SASH1: variants seen among roughly 807,000 people sequenced by gnomAD.
SASH1 encodes SAM and SH3 domain containing 1, also known as SAM and SH3 domain-containing protein 1.
In SASH1, 44 loss-of-function variants were observed where a neutral mutation model predicts 125.2. That is an observed-to-expected ratio of 0.35 (90% confidence interval 0.28 to 0.45). The LOEUF (loss-of-function observed/expected upper bound fraction) is 0.45, where lower values mean the gene tolerates loss of function less well. SASH1 is among the 20% of genes least tolerant of loss of function. The pLI is 1.00. For missense variants in SASH1, 1,426 were observed against 1,614.5 expected (o/e 0.88, Z 2.00); for synonymous variants, 639 against 649.1 (o/e 0.98, Z 0.24).
At chr6:148,273,569 C>T (rs1779114933) in intron 1 of SASH1, among the ~76,000 whole-genome samples, 1 of 151,446 alleles carries the variant, frequency 6.6e-6, no homozygotes, top group Admixed American at 6.6e-5. Flanking sequence ...GCTGGGATTA[C>T]AGGCATGAGC....
At chr6:148,405,731 C>T (rs571305836) in intron 2 of SASH1, among the ~76,000 whole-genome samples, 5 of 152,322 alleles carry the variant, frequency 3.3e-5, no homozygotes, top group East Asian at 1.9e-4. Context: ...CTCTTTCCCT[C>T]TGTGGAGTGG....
At chr6:148,372,511 A>G (rs566128519) in intron 1 of SASH1, among the ~76,000 whole-genome samples, 1 of 152,306 alleles carries the variant, frequency 6.6e-6, no homozygotes, top group East Asian at 1.9e-4. Context: ...TAATGAAGTC[A>G]TGGATGTTTT....
rs538165456 is a variant in SASH1, at chr6:148,544,027, G to A, written c.2557G>A (p.Val853Met). 2.0e-5 allele frequency: 32 copies of A among 1,614,078 alleles called. No individual in the cohort carries two copies. The East Asian group carries it at 2.9e-4, about 15-fold the overall frequency. Reference protein sequence around the residue: ...LQVEPGAEQDVPTEVTEPPPQ... With the variant: ...LQVEPGAEQDMPTEVTEPPPQ... ...AGTGGAGCCTGGTGCTGAGCAAGAC[G>A]TGCCTACCGAGGTGACAGAACCGCC... Residue 853 changes from valine to methionine, a missense_variant, in exon 18 of 20, where the codon GTG (valine) becomes ATG (methionine). Coordinates refer to ENST00000367467, the MANE Select transcript of SASH1 (RefSeq NM_015278.5). This position sits in a 1 kb window ranked among gnomAD's most constrained non-coding sequence, Gnocchi z 6.4.
chr6:148,417,948 G>A (rs1449579118), intron 2 of SASH1, among the ~76,000 whole-genome samples: 2 of 152,150 alleles, frequency 1.3e-5, no homozygotes, highest in African/African-American at 4.8e-5. Flanking sequence ...CGCTACAGAA[G>A]CACCTGAAGC....
chr6:148,334,372 G>T (rs909033438), intron 1 of SASH1, among the ~76,000 whole-genome samples: 2 of 141,350 alleles, frequency 1.4e-5, no homozygotes, highest in Admixed American at 7.3e-5. Context: ...AGCTTGCAGT[G>T]AGCCGAGATT....
At chr6:148,444,673 A>G (rs546829539) in intron 4 of SASH1, among the ~76,000 whole-genome samples, 1 of 152,252 alleles carries the variant, frequency 6.6e-6, no homozygotes, top group African/African-American at 2.4e-5. Flanking sequence ...CTTTATATCT[A>G]TCTACATCGC....
chr6:148,455,817 G>A (rs1368131315), intron 4 of SASH1, among the ~76,000 whole-genome samples: 1 of 152,210 alleles, frequency 6.6e-6, no homozygotes, highest in African/African-American at 2.4e-5. Context: ...AGTAGGGCAG[G>A]TGGGCGGCTC....
At chr6:148,438,746 ACC>A (rs150832561) in intron 2 of SASH1, among the ~76,000 whole-genome samples, 7 of 108,960 alleles carry the variant, frequency 6.4e-5, no homozygotes, top group African/African-American at 2.2e-4. Context: ...AAAAAAAAAA[ACC>A]AAAACAAACA....
At chr6:148,269,209 T>C (rs1158945868), upstream of SASH1, among the ~76,000 whole-genome samples, 1 of 152,242 alleles carries the variant, frequency 6.6e-6, no homozygotes, top group East Asian at 1.9e-4. Context: ...ATGGAGGAGC[T>C]AGTGCACATG....
At chr6:148,232,105 G>T in the SASH1 span, among the ~76,000 whole-genome samples, 2 of 152,194 alleles carry the variant, frequency 1.3e-5, no homozygotes, top group South Asian at 4.1e-4. Flanking sequence ...GTATGATCTG[G>T]ACAAGAGTTG....
chr6:148,537,556 CAAACAT>C (rs1036989226), intron 16 of SASH1, among the ~76,000 whole-genome samples: 16 of 150,756 alleles, frequency 1.1e-4, no homozygotes, highest in Admixed American at 2.0e-4. Flanking sequence ...AGAAAACAAA[CAAACAT>C]ATGCATGCAC....
At chr6:148,454,862 G>A (rs1335664205) in intron 4 of SASH1, among the ~76,000 whole-genome samples, 3 of 152,152 alleles carry the variant, frequency 2.0e-5, no homozygotes, top group Admixed American at 2.0e-4. Flanking sequence ...TGAATCTTTA[G>A]GGAGTGTCTC....
intron 8 of SASH1, among the ~76,000 whole-genome samples, chr6:148,496,628 A>G (rs1330540770): frequency 6.6e-6 from 1 of 152,244 alleles, no homozygotes; most frequent in Non-Finnish European, 1.5e-5. Context: ...GTGGTGGCCC[A>G]TGCCTGTAAT....
intron 1 of SASH1, among the ~76,000 whole-genome samples, chr6:148,304,636 A>T (rs921043677): frequency 2.6e-5 from 4 of 151,950 alleles, no homozygotes; most frequent in Non-Finnish European, 4.4e-5. Flanking sequence ...AAAATTAAAA[A>T]TAACCAAATC....
intron 8 of SASH1, chr6:148,509,331 T>A (rs1279940857): frequency 6.4e-6 from 1 of 157,278 alleles, no homozygotes; most frequent in South Asian, 1.9e-4. Context: ...GTGTGTGAAT[T>A]TCACAGGCAA....
At chr6:148,486,390 G>A (rs1239460028) in intron 7 of SASH1, among the ~76,000 whole-genome samples, 3 of 152,112 alleles carry the variant, frequency 2.0e-5, no homozygotes, top group Admixed American at 2.0e-4. Flanking sequence ...CAAGGTTCTG[G>A]GATTACAGGT....
At chr6:148,361,241 A>G (rs562878455) in intron 1 of SASH1, among the ~76,000 whole-genome samples, 1 of 152,344 alleles carries the variant, frequency 6.6e-6, no homozygotes, top group Non-Finnish European at 1.5e-5. Flanking sequence ...AGGAAACAAT[A>G]CAGATGGCTG....
At chr6:148,203,322 C>G in the SASH1 span, among the ~76,000 whole-genome samples, 1 of 152,156 alleles carries the variant, frequency 6.6e-6, no homozygotes, top group Middle Eastern at 3.2e-3. Context: ...TTTCCCCTTC[C>G]TTACCTCGTG....
chr6:148,291,521 A>T (rs1779631639), intron 1 of SASH1, among the ~76,000 whole-genome samples: 1 of 152,118 alleles, frequency 6.6e-6, no homozygotes, highest in South Asian at 2.1e-4. Flanking sequence ...TCTCTAAAAA[A>T]ATACAAAAAA....
Sources: gnomAD v4.1 joint callset for allele counts (sites outside exome capture counted in the v4.1 genomes callset) on GRCh38, gnomAD v4.1.1 for gene constraint, Gnocchi (gnomAD v3.1) non-coding constraint, MANE v1.5 for transcripts, NCBI Gene and HGNC (gene_info 2026-07-23, HGNC 2026-07-21) for gene names.